The following BORCS5 variants were observed in gnomAD, a reference collection of about 807,000 sequenced individuals.
BORCS5 encodes BLOC-1-related complex subunit 5.
A neutral mutation model predicts 22.1 loss-of-function variants in BORCS5; 17 were observed. The ratio of observed to expected loss-of-function variants is 0.77; its 90% confidence interval spans 0.53 to 1.15. The LOEUF (loss-of-function observed/expected upper bound fraction) is 1.15. BORCS5 is among the 50% of genes most tolerant of loss of function. The pLI, the probability that BORCS5 is intolerant of heterozygous loss-of-function variation, is 0.00. For synonymous variants in BORCS5, 117 were observed against 99.8 expected (o/e 1.17, Z -1.03); for missense variants, 247 against 253.2 (o/e 0.98, Z 0.17).
chr12:12,404,720 T>C (rs114350412), intron 2 of BORCS5, among the ~76,000 whole-genome samples: 4,880 of 152,306 alleles, frequency 0.032, 275 homozygotes, highest in African/African-American at 0.11. Flanking sequence ...TTTTCTTTTT[T>C]GTGACACAGT....
At chr12:12,422,163 T>C (rs766713565) in intron 2 of BORCS5, among the ~76,000 whole-genome samples, 1 of 152,234 alleles carries the variant, frequency 6.6e-6, no homozygotes, top group Non-Finnish European at 1.5e-5. Flanking sequence ...TCTTTCCTGC[T>C]TTCTCTTGTG....
chr12:12,461,682 G>A (rs371144495), intron 3 of BORCS5, among the ~76,000 whole-genome samples: 56 of 152,230 alleles, frequency 3.7e-4, no homozygotes, highest in African/African-American at 1.3e-3. Flanking sequence ...TACATGGGGT[G>A]CACCTGCATT....
Position 12,357,438 on chromosome 12 carries a change from C to T in BORCS5, c.-14C>T. On this transcript the variant is annotated 5_prime_UTR_variant, in exon 1 of 4. Transcript: ENST00000314565. Reference sequence around the variant, plus strand: ...CCGGCCCGCCGTTCTTCTGCTGCCACCGCTGTCGGCACCATGGGCAGTGAG... The same window carrying T: ...CCGGCCCGCCGTTCTTCTGCTGCCATCGCTGTCGGCACCATGGGCAGTGAG... The T allele has an allele frequency of 6.2e-7, 1 of 1,605,772 alleles. No individual in the cohort carries two copies. The highest frequency in any genetic ancestry group is 8.5e-7 in the Non-Finnish European group (1 of 1,173,628).
At chr12:12,432,486 G>C (rs567796477) in intron 2 of BORCS5, among the ~76,000 whole-genome samples, 1 of 152,292 alleles carries the variant, frequency 6.6e-6, no homozygotes, top group African/African-American at 2.4e-5. Flanking sequence ...AACTAAACAT[G>C]CAATTACCAT....
At chr12:12,372,286 T>C (rs1863547128) in intron 2 of BORCS5, among the ~76,000 whole-genome samples, 1 of 152,286 alleles carries the variant, frequency 6.6e-6, no homozygotes, top group East Asian at 1.9e-4. Context: ...GTGATCCACC[T>C]GCCTCGGCTT....
At position 12,435,709 on chromosome 12, in the gene BORCS5, G is replaced by T. The variant is rs1234776941; in HGVS notation, c.284G>T (p.Arg95Leu). Residue 95 changes from arginine (R) to leucine (L), a missense_variant, in exon 3 of 4, where the codon CGA becomes CTA. Transcript: ENST00000314565. ...CAGCAGGTGTTGCAGCTCTGCCTCCGATATCAAGATCACCTGCATCAGTGT... is the reference window on the plus strand; with the variant it reads ...CAGCAGGTGTTGCAGCTCTGCCTCCTATATCAAGATCACCTGCATCAGTGT... The part of the protein sequence containing the change: ...DSQQVLQLCL[R>L]YQDHLHQCAE... 2 of 1,613,996 alleles carry T rather than the reference G, an allele frequency of 1.2e-6. No homozygotes were observed. Among genetic ancestry groups the T allele is most frequent in the Middle Eastern group, 1.6e-4 (1 of 6,062 alleles).
intron 2 of BORCS5, among the ~76,000 whole-genome samples, chr12:12,366,598 C>A (rs1477236437): frequency 6.6e-6 from 1 of 152,072 alleles, no homozygotes; most frequent in Non-Finnish European, 1.5e-5. Flanking sequence ...TGTGACAGAA[C>A]ACAAAGGCAA....
In BORCS5 at chr12:12,409,382, C is replaced by T. The variant is rs543004693; in HGVS notation, c.203-26246C>T. The stretch of plus-strand genomic sequence containing the variant: ...GCTATCCCTCCCTCCTCCCCCCACC[C>T]CACAACAGTCCCCGGTGTGTGATGT... On this transcript the variant is annotated intron_variant, in intron 2 of 3. Transcript: ENST00000314565. 8.0e-5 allele frequency among the ~76,000 whole-genome samples: 12 copies of T among 149,588 alleles called. No homozygotes were observed. The East Asian group carries it at 2.3e-3, about 29-fold the overall frequency.
chr12:12,451,954 G>C (rs1166454174), intron 3 of BORCS5: 1 of 161,430 alleles, frequency 6.2e-6, no homozygotes. Flanking sequence ...AAGGAAAGCA[G>C]CATTGAACTT....
chr12:12,359,239 C>G (rs542397720), intron 1 of BORCS5, among the ~76,000 whole-genome samples: 2 of 152,222 alleles, frequency 1.3e-5, no homozygotes, highest in African/African-American at 4.8e-5. Flanking sequence ...GCTATTTTTG[C>G]CCTGGACTAA....
At chr12:12,464,699 T>TGG (rs1943168336) in intron 3 of BORCS5, among the ~76,000 whole-genome samples, 1 of 152,028 alleles carries the variant, frequency 6.6e-6, no homozygotes, top group Non-Finnish European at 1.5e-5. Flanking sequence ...ATCTGGGTGA[T>TGG]GGGTACTAAA....
intron 2 of BORCS5, among the ~76,000 whole-genome samples, chr12:12,401,146 TGA>T (rs1356618499): frequency 6.6e-6 from 1 of 152,224 alleles, no homozygotes; most frequent in African/African-American, 2.4e-5. Context: ...TGCACATGTA[TGA>T]GAGTTTTCTC....
chr12:12,471,051 C>G lies in BORCS5; in HGVS notation c.*5275C>G, dbSNP rs1189244129. On this transcript the variant is annotated 3_prime_UTR_variant, in exon 4 of 4. Coordinates refer to ENST00000314565, the MANE Select transcript of BORCS5 (RefSeq NM_058169.6). ...AGAACACAGACCATTACTGAATGCT[C>G]TTCAGGTTACCCTATTTGCCTGTCA... Among the ~76,000 whole-genome samples the G allele has an allele frequency of 6.6e-6, 1 of 152,222 alleles. No individual in the cohort carries two copies. The highest frequency in any genetic ancestry group is 6.5e-5 in the Admixed American group (1 of 15,284).
At chr12:12,457,004 G>A (rs10505766) in intron 3 of BORCS5, among the ~76,000 whole-genome samples, 43,171 of 151,500 alleles carry the variant, frequency 0.28, 6,463 homozygotes, top group Admixed American at 0.33. Context: ...AATGTCATTC[G>A]GTTTTTTATT....
In BORCS5 at chr12:12,469,475, T is replaced by C. The variant is rs909048498; in HGVS notation, c.*3699T>C. 3 of 152,268 alleles carry C rather than the reference T, an allele frequency of 2.0e-5. No homozygotes were observed. Among genetic ancestry groups the C allele is most frequent in the African/African-American group, 7.2e-5 (3 of 41,464 alleles). The allele number at this position is 152,268 out of a possible 1,614,324, so 9.4% of individuals were successfully genotyped here. A position where few individuals can be genotyped will look rare whatever the true frequency, so the allele number is the denominator to read the frequency against. On this transcript the variant is annotated 3_prime_UTR_variant, in exon 4 of 4. Coordinates refer to ENST00000314565, the MANE Select transcript of BORCS5 (RefSeq NM_058169.6). ...TATTTCTTTGCGGCTTCTTCAGTTATGAAAGAGGTTGGTACTGTTACCCTT... is the reference window on the plus strand; with the variant it reads ...TATTTCTTTGCGGCTTCTTCAGTTACGAAAGAGGTTGGTACTGTTACCCTT...
At chr12:12,380,989 C>CT (rs1361352989) in intron 2 of BORCS5, among the ~76,000 whole-genome samples, 1 of 146,078 alleles carries the variant, frequency 6.8e-6, no homozygotes, top group African/African-American at 2.5e-5. Flanking sequence ...CAGACTGTGA[C>CT]TTTCTTTTCA....
intron 2 of BORCS5, among the ~76,000 whole-genome samples, chr12:12,408,281 G>A (rs1237576538): frequency 1.3e-5 from 2 of 152,192 alleles, no homozygotes; most frequent in Admixed American, 1.3e-4. Context: ...ATATCTGTAT[G>A]AGTCCCTGCT....
intron 3 of BORCS5, among the ~76,000 whole-genome samples, chr12:12,464,761 G>A (rs951746791): frequency 2.6e-5 from 4 of 152,182 alleles, no homozygotes; most frequent in Admixed American, 1.3e-4. Context: ...CCCAGAGCCC[G>A]CAGTTTCTTT....
rs141443763 is a variant in BORCS5 at position 12,449,806 on chromosome 12, A to T, written c.360+14021A>T. ...CGGCCTCATTGTTTGTCATTGTGCAACAGGAGGTGGTACACTAATAAGGAG... is the reference window on the plus strand; with the variant it reads ...CGGCCTCATTGTTTGTCATTGTGCATCAGGAGGTGGTACACTAATAAGGAG... On this transcript the variant is annotated intron_variant, in intron 3 of 3. Transcript: ENST00000314565. Among the ~76,000 whole-genome samples, 608 of 152,318 alleles carry T rather than the reference A, an allele frequency of 4.0e-3. 5 individuals are homozygous for T. The highest frequency in any genetic ancestry group is 0.014 in the African/African-American group (575 of 41,572).
Sources: gnomAD v4.1 joint callset for allele counts (sites outside exome capture counted in the v4.1 genomes callset) on GRCh38, gnomAD v4.1.1 for gene constraint, MANE v1.5 for transcripts, NCBI Gene and HGNC (gene_info 2026-07-23, HGNC 2026-07-21) for gene names.